Variants in AGMO observed in about 807,000 individuals in gnomAD.
AGMO encodes the protein glyceryl-ether monooxygenase.
AGMO carries 75 observed loss-of-function variants against 60.2 expected under a neutral mutation model. The observed-to-expected ratio is 1.25, with a 90% CI of 1.03 to 1.51. The LOEUF (loss-of-function observed/expected upper bound fraction) is 1.51, where lower values mean the gene tolerates loss of function less well. Among genes scored for constraint, AGMO ranks in the 40% most tolerant of loss-of-function variants. The pLI is 0.00. For missense variants in AGMO, 763 were observed against 525.5 expected (o/e 1.45, Z -4.42); for synonymous variants, 261 against 177.1 (o/e 1.47, Z -3.76).
chr7:15,218,510 G>A (rs913202461), intron 12 of AGMO, among the ~76,000 whole-genome samples: 1 of 151,636 alleles, frequency 6.6e-6, no homozygotes, highest in Non-Finnish European at 1.5e-5. Flanking sequence ...GTTGAAGGGA[G>A]TGGGCTTCCA....
rs190322390 is a variant in AGMO, at chr7:15,335,936, A to T, written c.1263+29578T>A. 4.0e-3 allele frequency among the ~76,000 whole-genome samples: 604 copies of T among 152,272 alleles called. 4 individuals are homozygous for T. The highest frequency in any genetic ancestry group is 0.014 in the African/African-American group (566 of 41,552). ...ATTGTTTAAAACTAATCCAGAGAGA[A>T]ATCAGTTTAACTTTGTAATATATCT... On this transcript the variant is annotated intron_variant, in intron 12 of 12. Coordinates refer to ENST00000342526, the MANE Select transcript of AGMO (RefSeq NM_001004320.2).
In AGMO at chr7:15,432,379, T is replaced by TATATATATATATATACACAC. The variant is rs373845365; in HGVS notation, c.410-1272_410-1271insGTGTGTATATATATATATAT. On this transcript the variant is annotated intron_variant, in intron 3 of 12. Coordinates refer to ENST00000342526, the MANE Select transcript of AGMO (RefSeq NM_001004320.2). ...ATATATATACACACACATATATATA[T>TATATATATATATATACACAC]ACACTATCTGGGTAAATTTTGGCCA... Among the ~76,000 whole-genome samples the TATATATATATATATACACAC allele has an allele frequency of 1.0e-4, 14 of 136,198 alleles. 1 individual carries two copies. The highest frequency in any genetic ancestry group is 3.9e-4 in the African/African-American group (14 of 35,594). The allele number at this position is 136,198 out of a possible 152,430, so 89.4% of individuals were successfully genotyped here. A position where few individuals can be genotyped will look rare whatever the true frequency, so the allele number is the denominator to read the frequency against.
At chr7:15,317,036 A>C (rs1583399360) in intron 12 of AGMO, among the ~76,000 whole-genome samples, 2 of 152,294 alleles carry the variant, frequency 1.3e-5, no homozygotes, top group South Asian at 4.1e-4. Flanking sequence ...TTGTTATTAA[A>C]AAGTCAGTAT....
intron 12 of AGMO, among the ~76,000 whole-genome samples, chr7:15,240,273 C>T (rs1019676823): frequency 6.6e-6 from 1 of 152,086 alleles, no homozygotes; most frequent in Non-Finnish European, 1.5e-5. Context: ...ATATTTTTAG[C>T]ATAAATATGT....
At chr7:15,228,870 G>A (rs73056452) in intron 12 of AGMO, among the ~76,000 whole-genome samples, 16,222 of 152,066 alleles carry the variant, frequency 0.11, 959 homozygotes, top group South Asian at 0.13. Context: ...ATAAGTAAAA[G>A]CTCTCCAAAT....
chr7:15,246,682 T>C (rs570696262), intron 12 of AGMO, among the ~76,000 whole-genome samples: 2 of 152,292 alleles, frequency 1.3e-5, no homozygotes, highest in South Asian at 2.1e-4. Context: ...ATAATATACA[T>C]GGATGCATGT....
At chr7:15,208,049 A>C (rs891285343) in intron 12 of AGMO, among the ~76,000 whole-genome samples, 1 of 152,258 alleles carries the variant, frequency 6.6e-6, no homozygotes, top group Non-Finnish European at 1.5e-5. Context: ...GCGATTTATA[A>C]ATCATGAATC....
At position 15,447,225 on chromosome 7, in the gene AGMO, A is replaced by G. The variant is rs186379093; in HGVS notation, c.410-16117T>C. Among the ~76,000 whole-genome samples, 7 of 152,328 alleles carry G rather than the reference A, an allele frequency of 4.6e-5. No individual in the cohort carries two copies. In the East Asian group the frequency reaches 1.4e-3, roughly 29 times the overall value. On this transcript the variant is annotated intron_variant, in intron 3 of 12. Transcript: ENST00000342526. The stretch of plus-strand genomic sequence containing the variant: ...ACCTGGGAGAATCTTGATCGACTTA[A>G]TGACATCTTGACCCTTTTTTCCCAG...
the AGMO span, among the ~76,000 whole-genome samples, chr7:15,139,983 T>C: frequency 1.3e-5 from 2 of 150,958 alleles, no homozygotes; most frequent in Non-Finnish European, 3.0e-5. Flanking sequence ...AGAATACAAG[T>C]AGGGATTCAG....
At chr7:15,176,358 G>A in the AGMO span, among the ~76,000 whole-genome samples, 3 of 151,746 alleles carry the variant, frequency 2.0e-5, no homozygotes, top group Non-Finnish European at 4.4e-5. Context: ...TTTTTCCCTT[G>A]AGCACGTAAA....
the AGMO span, among the ~76,000 whole-genome samples, chr7:15,170,616 A>G: frequency 1.3e-5 from 2 of 152,340 alleles, no homozygotes; most frequent in South Asian, 4.1e-4. Context: ...AAGATAGTAT[A>G]GAGTATTTCC....
At chr7:15,322,715 A>AATAT (rs1164685199) in intron 12 of AGMO, among the ~76,000 whole-genome samples, 2,821 of 46,980 alleles carry the variant, frequency 0.06, 203 homozygotes, top group Middle Eastern at 0.095. Flanking sequence ...AATATATATA[A>AATAT]ATATATAAAT....
the AGMO span, among the ~76,000 whole-genome samples, chr7:15,134,535 A>C: frequency 1.3e-5 from 2 of 152,142 alleles, no homozygotes; most frequent in African/African-American, 4.8e-5. Flanking sequence ...CTCCCACTTA[A>C]AAGGCAGAAC....
At chr7:15,363,191 C>G (rs1295309025) in intron 12 of AGMO, among the ~76,000 whole-genome samples, 1 of 152,166 alleles carries the variant, frequency 6.6e-6, no homozygotes, top group Non-Finnish European at 1.5e-5. Context: ...AGTGTCAGGA[C>G]CAAGAATTCA....
intron 3 of AGMO, among the ~76,000 whole-genome samples, chr7:15,474,456 C>T (rs1782537650): frequency 6.6e-6 from 1 of 152,144 alleles, no homozygotes; most frequent in Admixed American, 6.5e-5. Flanking sequence ...AAAAGATTCC[C>T]TATTTAATAA....
At chr7:15,544,706 G>A in intron 3 of AGMO, 66 bp downstream of exon 3, 3 of 1,246,766 alleles carry the variant, frequency 2.4e-6, no homozygotes, top group South Asian at 2.5e-5. Context: ...AATGTTTACT[G>A]AATATGTACT....
chr7:15,560,306 T>C (rs1382118696), intron 1 of AGMO, 35 bp from the exon 2 acceptor site: 2 of 1,586,934 alleles, frequency 1.3e-6, no homozygotes, highest in Non-Finnish European at 1.7e-6. Flanking sequence ...GATGCTATTA[T>C]GTTCCATATG....
chr7:15,132,886 CAT>C, the AGMO span, among the ~76,000 whole-genome samples: 3 of 152,120 alleles, frequency 2.0e-5, no homozygotes, highest in Admixed American at 6.6e-5. Flanking sequence ...GATTCAGGGA[CAT>C]GTGAAGAATT....
At chr7:15,235,710 G>A (rs533977210) in intron 12 of AGMO, among the ~76,000 whole-genome samples, 1 of 152,090 alleles carries the variant, frequency 6.6e-6, no homozygotes, top group Admixed American at 6.6e-5. Context: ...GACCTTTGGG[G>A]GCATGCAGTC....
Sources: gnomAD v4.1 joint callset for allele counts (sites outside exome capture counted in the v4.1 genomes callset) on GRCh38, gnomAD v4.1.1 for gene constraint, MANE v1.5 for transcripts, NCBI Gene and HGNC (gene_info 2026-07-23, HGNC 2026-07-21) for gene names.